Variants in CACNA2D2 observed in about 807,000 individuals in gnomAD.
The protein encoded by CACNA2D2 is calcium voltage-gated channel auxiliary subunit alpha2delta 2, also known as voltage-dependent calcium channel subunit alpha-2/delta-2.
CACNA2D2 carries 48 observed loss-of-function variants against 166.4 expected under a neutral mutation model. That is an observed-to-expected ratio of 0.29 (90% CI 0.23 to 0.37). The LOEUF (loss-of-function observed/expected upper bound fraction) is 0.37, where lower values mean the gene tolerates loss of function less well. Ranked by LOEUF, CACNA2D2 falls within the 10% of genes least tolerant of loss-of-function variation. CACNA2D2 has a pLI of 1.00. For synonymous variants in CACNA2D2, 561 were observed against 573.7 expected (o/e 0.98, Z 0.32); for missense variants, 1,122 against 1,433.0 (o/e 0.78, Z 3.50).
In CACNA2D2 at chr3:50,379,124, C is replaced by T. The variant is rs763416643; in HGVS notation, c.1228G>A (p.Val410Ile). The T allele has an allele frequency of 3.7e-6, 6 of 1,613,874 alleles. No homozygotes were observed. Among genetic ancestry groups the T allele is most frequent in the African/African-American group, 2.7e-5 (2 of 74,930 alleles). ...TDGGEDRVQD[V>I]FEKYNWPNRT... The stretch of plus-strand genomic sequence containing the variant: ...TTTGGCCAATTGTACTTCTCAAAGA[C>T]GTCCTGCACGCGGTCCTCACCACCA... Residue 410 changes from valine to isoleucine, a missense_variant, in exon 12 of 38, where the codon GTC (valine) becomes ATC (isoleucine). Transcript: ENST00000424201. This position sits in a 1 kb window ranked among gnomAD's most constrained non-coding sequence, Gnocchi z 6.5.
chr3:50,468,379 T>TTGTGTGTGTGTG (rs1559978358), intron 2 of CACNA2D2, among the ~76,000 whole-genome samples: 57 of 68,916 alleles, frequency 8.3e-4, no homozygotes, highest in African/African-American at 2.6e-3. Flanking sequence ...TTCATCAGAA[T>TTGTGTGTGTGTG]AGTGTGTGTG....
In CACNA2D2 at chr3:50,365,625, C is replaced by G; in HGVS notation, c.2971+8G>C. The G allele has an allele frequency of 1.3e-6, 2 of 1,575,274 alleles. No individual in the cohort carries two copies. Among genetic ancestry groups the G allele is most frequent in the Non-Finnish European group, 1.7e-6 (2 of 1,160,252 alleles). ...GACTTGAGGAGGCGCCTCCAAAGCC[C>G]TACCTACCTGCTTGGAACCAGCTGT... On this transcript the variant is annotated splice_region_variant and intron_variant, in intron 34 of 37. Transcript: ENST00000424201. The surrounding 1 kb of genome is among the most constrained non-coding windows in gnomAD (Gnocchi z 4.5).
In CACNA2D2 at chr3:50,379,880, T is replaced by C. The variant is rs1705213128; in HGVS notation, c.894-56A>G. Reference sequence around the variant, plus strand: ...GCCAGGGGAACCTCACGTGTTCTCCTGCCCATCCCCCAAGATGTTCAGGGC... The same window carrying C: ...GCCAGGGGAACCTCACGTGTTCTCCCGCCCATCCCCCAAGATGTTCAGGGC... On this transcript the variant is annotated intron_variant, in intron 9 of 37. Coordinates refer to ENST00000424201, the MANE Select transcript of CACNA2D2 (RefSeq NM_006030.4). This position sits in a 1 kb window ranked among gnomAD's most constrained non-coding sequence, Gnocchi z 6.5. 2 of 1,612,702 alleles carry C rather than the reference T, an allele frequency of 1.2e-6. No homozygotes were observed. The highest frequency in any genetic ancestry group is 1.7e-6 in the Non-Finnish European group (2 of 1,178,906).
chr3:50,385,972 C>T (rs1370324030), intron 5 of CACNA2D2, among the ~76,000 whole-genome samples: 2 of 152,106 alleles, frequency 1.3e-5, no homozygotes, highest in Non-Finnish European at 2.9e-5. Flanking sequence ...TTCTTTCCCC[C>T]ACCCCCACCT....
Position 50,427,395 on chromosome 3 carries a change from G to T in CACNA2D2, c.405+6918C>A, listed in dbSNP as rs1707852202. On this transcript the variant is annotated intron_variant, in intron 3 of 37. Coordinates refer to ENST00000424201, the MANE Select transcript of CACNA2D2 (RefSeq NM_006030.4). The surrounding 1 kb of genome is among the most constrained non-coding windows in gnomAD (Gnocchi z 4.7). ...GTGGGCGGCAACTTGCCAGGAAGCA[G>T]CGGCACTGTTTGGGTGAGGGGAGAA... is the stretch of plus-strand genomic sequence containing the variant. Among the ~76,000 whole-genome samples the T allele has an allele frequency of 6.6e-6, 1 of 152,270 alleles. No homozygotes were observed. The highest frequency in any genetic ancestry group is 2.1e-4 in the South Asian group (1 of 4,838).
intron 3 of CACNA2D2, among the ~76,000 whole-genome samples, chr3:50,405,893 C>T (rs1479129331): frequency 6.6e-6 from 1 of 152,184 alleles, no homozygotes; most frequent in East Asian, 1.9e-4. Context: ...TCAGATGGAA[C>T]CATGGTGCTA....
intron 2 of CACNA2D2, among the ~76,000 whole-genome samples, chr3:50,448,297 C>A (rs1708946989): frequency 6.6e-6 from 1 of 152,208 alleles, no homozygotes; most frequent in African/African-American, 2.4e-5. Flanking sequence ...TGACTGGAAG[C>A]TCTGGCTATC....
chr3:50,483,254 C>T (rs562931134), intron 1 of CACNA2D2, among the ~76,000 whole-genome samples: 2 of 152,298 alleles, frequency 1.3e-5, no homozygotes, highest in South Asian at 2.1e-4. Context: ...GTCCCCATCT[C>T]ACCCACTCAT....
At chr3:50,415,480 G>A (rs546414226) in intron 3 of CACNA2D2, among the ~76,000 whole-genome samples, 4 of 152,182 alleles carry the variant, frequency 2.6e-5, no homozygotes, top group Admixed American at 6.5e-5. Context: ...TATGAGAGCC[G>A]CTGAAGATCG....
At chr3:50,474,476 C>A (rs1710226443) in intron 2 of CACNA2D2, among the ~76,000 whole-genome samples, 1 of 152,130 alleles carries the variant, frequency 6.6e-6, no homozygotes, top group South Asian at 2.1e-4. Context: ...ATCTCTGGTT[C>A]TCAGAATCTA....
rs1462946226 is a variant in CACNA2D2 at position 50,363,617 on chromosome 3, C to T, written c.*1049G>A. 4.4e-6 allele frequency: 1 copy of T among 229,810 alleles called. No homozygotes were observed. The highest frequency in any genetic ancestry group is 2.3e-5 in the African/African-American group (1 of 44,340). 14.2% of individuals were successfully genotyped at this position (229,810 alleles called of 1,614,324 possible). A position where few individuals can be genotyped will look rare whatever the true frequency, so the allele number is the denominator to read the frequency against. On this transcript the variant is annotated 3_prime_UTR_variant, in exon 38 of 38. Coordinates refer to ENST00000424201, the MANE Select transcript of CACNA2D2 (RefSeq NM_006030.4). ...CAGATTGGCGGAAGGATGGCCCAGC[C>T]AGGAGAGACAAAGTCACCCCTGCTA...
chr3:50,441,774 G>T (rs999192370), intron 2 of CACNA2D2, among the ~76,000 whole-genome samples: 9 of 152,282 alleles, frequency 5.9e-5, no homozygotes, highest in Non-Finnish European at 8.8e-5. Flanking sequence ...TATCTCAGGG[G>T]AGAACAGTCC....
chr3:50,394,202 A>G, intron 3 of CACNA2D2, 34 bp from the exon 4 acceptor site: 1 of 1,599,748 alleles, frequency 6.3e-7, no homozygotes, highest in Non-Finnish European at 8.6e-7. Context: ...TCAGAAGCGG[A>G]GGAAGGCAGC....
chr3:50,448,597 T>C (rs1310075777), intron 2 of CACNA2D2, among the ~76,000 whole-genome samples: 2 of 152,098 alleles, frequency 1.3e-5, no homozygotes, highest in Non-Finnish European at 2.9e-5. Context: ...ATGGCGCATG[T>C]TGGGGGAAGG....
chr3:50,494,076 CA>C (rs1426145865), intron 1 of CACNA2D2, among the ~76,000 whole-genome samples: 1 of 152,210 alleles, frequency 6.6e-6, no homozygotes, highest in East Asian at 1.9e-4. Flanking sequence ...AAAAGGGAGA[CA>C]CTCCAGCAAG....
intron 2 of CACNA2D2, among the ~76,000 whole-genome samples, chr3:50,447,366 C>T (rs541326201): frequency 1.3e-5 from 2 of 152,316 alleles, no homozygotes; most frequent in East Asian, 1.9e-4. Context: ...GCTTCCACAT[C>T]GTCTGTCGGC....
intron 3 of CACNA2D2, among the ~76,000 whole-genome samples, chr3:50,418,230 G>T (rs546068528): frequency 2.6e-5 from 4 of 152,166 alleles, no homozygotes; most frequent in African/African-American, 9.7e-5. Context: ...CACACAGTAG[G>T]TGCTCAACAT....
intron 3 of CACNA2D2, among the ~76,000 whole-genome samples, chr3:50,423,345 CAGAGGGATCTTGAAT>C (rs1707661163): frequency 6.6e-6 from 1 of 152,200 alleles, no homozygotes; most frequent in South Asian, 2.1e-4. Context: ...AAGGGCTGCT[CAGAGGGATCTTGAAT>C]AGAAGGCTGG....
At chr3:50,433,590 G>C (rs1478593687) in intron 3 of CACNA2D2, among the ~76,000 whole-genome samples, 1 of 152,068 alleles carries the variant, frequency 6.6e-6, no homozygotes, top group Admixed American at 6.5e-5. Flanking sequence ...CTCTGATCTG[G>C]GGGGAGCTTG....
Sources: allele counts gnomAD v4.1 joint callset (sites outside exome capture counted in the v4.1 genomes callset), GRCh38; gene constraint gnomAD v4.1.1; non-coding constraint Gnocchi (gnomAD v3.1); transcripts MANE v1.5; gene names NCBI Gene and HGNC (gene_info 2026-07-23, HGNC 2026-07-21).